Variants in KAZN observed in about 807,000 individuals in gnomAD.
KAZN encodes kazrin, periplakin interacting protein.
Under a neutral mutation model 87.4 loss-of-function variants are expected in KAZN, and 40 were observed. That is an observed-to-expected ratio of 0.46 (90% CI 0.36 to 0.60). The LOEUF (loss-of-function observed/expected upper bound fraction) is 0.60, where lower values mean the gene tolerates loss of function less well. Among genes scored for constraint, KAZN ranks in the 20% least tolerant of loss-of-function variants. KAZN has a pLI of 0.00. For missense variants in KAZN, 898 were observed against 1,073.9 expected, an observed-to-expected ratio of 0.84 and a Z score of 2.29; for synonymous variants, 466 against 458.3, an observed-to-expected ratio of 1.02 and a Z score of -0.22.
Position 14,497,738 on chromosome 1 carries a change from G to C in KAZN, c.250-101245G>C, listed in dbSNP as rs181786851. Among the ~76,000 whole-genome samples the C allele has an allele frequency of 5.3e-5, 8 of 152,196 alleles. No individual in the cohort carries two copies. The East Asian group carries it at 1.5e-3, about 29-fold the overall frequency. ...GGAAGACTTAGAGGGTTAGGGCTTG[G>C]CTTCCAATACAGCCACCCGATCAAC... is the stretch of plus-strand genomic sequence containing the variant. On this transcript the variant is annotated intron_variant, in intron 2 of 16. Transcript: ENST00000636203.
intron 1 of KAZN, among the ~76,000 whole-genome samples, chr1:13,929,750 G>T (rs1640436712): frequency 6.6e-6 from 1 of 152,218 alleles, no homozygotes; most frequent in East Asian, 1.9e-4. Flanking sequence ...TCTGGGAAAA[G>T]ATCCAATGCA....
chr1:14,261,460 G>A (rs1215095249), intron 2 of KAZN, among the ~76,000 whole-genome samples: 5 of 152,162 alleles, frequency 3.3e-5, no homozygotes, highest in Admixed American at 2.0e-4. Flanking sequence ...GTCCCCGGGG[G>A]CCAGATCAGA....
chr1:14,932,979 T>A (rs1322960827), intron 1 of KAZN, among the ~76,000 whole-genome samples: 1 of 152,110 alleles, frequency 6.6e-6, no homozygotes, highest in Non-Finnish European at 1.5e-5. Flanking sequence ...TAACTCTCCA[T>A]CCCTCTCCCC....
intron 1 of KAZN, among the ~76,000 whole-genome samples, chr1:14,004,007 G>A (rs1313300374): frequency 1.3e-5 from 2 of 151,542 alleles, no homozygotes; most frequent in African/African-American, 4.8e-5. Context: ...ATATATAAAG[G>A]CCCTTACAAA....
chr1:13,913,091 C>A (rs114230707), intron 1 of KAZN, among the ~76,000 whole-genome samples: 3 of 152,048 alleles, frequency 2.0e-5, no homozygotes, highest in Admixed American at 2.0e-4. Context: ...GGACCCTCTC[C>A]TAATGTTAAT....
chr1:15,002,321 CA>C (rs1187642481), intron 2 of KAZN, among the ~76,000 whole-genome samples: 1 of 152,204 alleles, frequency 6.6e-6, no homozygotes, highest in Admixed American at 6.5e-5. Flanking sequence ...GTTGAGTTTA[CA>C]GAGAGAAATC....
intron 1 of KAZN, among the ~76,000 whole-genome samples, chr1:14,848,785 T>G (rs1649084600): frequency 6.6e-6 from 1 of 152,220 alleles, no homozygotes; most frequent in Non-Finnish European, 1.5e-5. Context: ...TCAAGGGCCA[T>G]GAAGCGGGGA....
In KAZN at chr1:14,613,345, C is replaced by T. The variant is rs568706587; in HGVS notation, c.226+14122C>T. On this transcript the variant is annotated intron_variant, in intron 1 of 14. Coordinates refer to ENST00000376030, the MANE Select transcript of KAZN (RefSeq NM_201628.3). ...CTCCCACCAACAAAATGATCATTTC[C>T]CTGGTGAGCAGGCACACAGTATTAA... Among the ~76,000 whole-genome samples the T allele has an allele frequency of 3.4e-4, 52 of 152,282 alleles. 1 individual carries two copies. Among genetic ancestry groups the T allele is most frequent in the Middle Eastern group, 6.8e-3 (2 of 294 alleles).
At chr1:14,982,845 T>C (rs1472170202) in intron 2 of KAZN, among the ~76,000 whole-genome samples, 1 of 152,124 alleles carries the variant, frequency 6.6e-6, no homozygotes, top group African/African-American at 2.4e-5. Context: ...TTTCCAGATA[T>C]CTTCCTGTGG....
intron 2 of KAZN, among the ~76,000 whole-genome samples, chr1:15,016,349 G>A (rs1483541191): frequency 3.3e-5 from 5 of 152,094 alleles, no homozygotes; most frequent in South Asian, 4.1e-4. Flanking sequence ...GCAATGACGC[G>A]ATCTCAGCCC....
intron 1 of KAZN, among the ~76,000 whole-genome samples, chr1:14,163,797 C>T (rs1237959427): frequency 1.3e-5 from 2 of 152,172 alleles, no homozygotes; most frequent in African/African-American, 2.4e-5. Context: ...CCAGCTTATT[C>T]GATATATTTT....
At chr1:14,082,573 C>A (rs760928123) in intron 1 of KAZN, among the ~76,000 whole-genome samples, 2 of 152,148 alleles carry the variant, frequency 1.3e-5, no homozygotes, top group Admixed American at 6.5e-5. Flanking sequence ...AAGCCCTGCC[C>A]AGGAAGGATA....
intron 1 of KAZN, among the ~76,000 whole-genome samples, chr1:14,708,824 T>C (rs1489509589): frequency 6.6e-6 from 1 of 152,232 alleles, no homozygotes; most frequent in African/African-American, 2.4e-5. Context: ...TTGGGTTATA[T>C]GCAGACTGTC....
chr1:14,961,286 C>T (rs1034314919), intron 2 of KAZN, among the ~76,000 whole-genome samples: 13 of 152,200 alleles, frequency 8.5e-5, no homozygotes, highest in African/African-American at 2.4e-4. Context: ...TCCCATGCGT[C>T]CCTCTTGCTC....
chr1:13,921,269 C>A (rs764686189), intron 1 of KAZN, among the ~76,000 whole-genome samples: 11 of 152,162 alleles, frequency 7.2e-5, no homozygotes, highest in Non-Finnish European at 1.5e-4. Flanking sequence ...AGTATCAAAT[C>A]TAGTGCAGAG....
At chr1:14,127,245 G>A (rs1041909233) in intron 1 of KAZN, among the ~76,000 whole-genome samples, 2 of 152,200 alleles carry the variant, frequency 1.3e-5, no homozygotes, top group South Asian at 4.1e-4. Flanking sequence ...TGCAAAAACT[G>A]TTTCACAATG....
chr1:14,030,180 A>G (rs1641256267), intron 1 of KAZN, among the ~76,000 whole-genome samples: 1 of 150,664 alleles, frequency 6.6e-6, no homozygotes, highest in Admixed American at 6.6e-5. Flanking sequence ...CTCCTTGAAG[A>G]GGTCCTTCAC....
intron 2 of KAZN, among the ~76,000 whole-genome samples, chr1:14,233,486 T>C (rs1648066469): frequency 6.6e-6 from 1 of 152,148 alleles, no homozygotes; most frequent in African/African-American, 2.4e-5. Context: ...AGGTAAATTA[T>C]AAAGCATATA....
At chr1:14,129,483 C>G (rs979574) in intron 1 of KAZN, among the ~76,000 whole-genome samples, 2 of 152,030 alleles carry the variant, frequency 1.3e-5, no homozygotes, top group African/African-American at 2.4e-5. Flanking sequence ...GCCTCCCACC[C>G]GATTCCTCCC....
Sources: allele counts gnomAD v4.1 joint callset (sites outside exome capture counted in the v4.1 genomes callset), GRCh38; gene constraint gnomAD v4.1.1; transcripts MANE v1.5; gene names NCBI Gene and HGNC (gene_info 2026-07-23, HGNC 2026-07-21).